CELF2: variants seen among roughly 807,000 people sequenced by gnomAD.
CELF2 encodes the protein CUGBP Elav-like family member 2.
Under a neutral mutation model 62.6 loss-of-function variants are expected in CELF2, and 8 were observed. That is an observed-to-expected ratio of 0.13 (90% CI 0.07 to 0.23). CELF2 has a LOEUF of 0.23. Ranked by LOEUF, CELF2 falls within the 10% of genes least tolerant of loss-of-function variation. CELF2 has a pLI of 1.00. For missense variants in CELF2, 333 were observed against 671.0 expected (o/e 0.50, Z 5.56); for synonymous variants, 258 against 250.0 (o/e 1.03, Z -0.30).
At chr10:10,737,560 C>T in the CELF2 span, among the ~76,000 whole-genome samples, 49 of 152,120 alleles carry the variant, frequency 3.2e-4, no homozygotes, top group East Asian at 7.9e-3. Context: ...AATACATTTG[C>T]GAAGTCATTT....
chr10:10,746,293 A>G, the CELF2 span, among the ~76,000 whole-genome samples: 1 of 152,238 alleles, frequency 6.6e-6, no homozygotes, highest in Non-Finnish European at 1.5e-5. Context: ...ATTGACACAG[A>G]CATTAAAAGT....
chr10:11,069,660 G>A (rs2069197872), intron 1 of CELF2, among the ~76,000 whole-genome samples: 2 of 152,172 alleles, frequency 1.3e-5, no homozygotes, highest in African/African-American at 4.8e-5. Flanking sequence ...TGTGTATACA[G>A]AGGTGGTTAG....
At position 11,285,855 on chromosome 10, in the gene CELF2, GTGTGTGTGTGTGTGTGTGTGTGTT is replaced by G. The variant is rs1246361424; in HGVS notation, c.842-2561_842-2538del. ...TGTGTGTGTGTGTGTGTGTGTGTGT[GTGTGTGTGTGTGTGTGTGTGTGTT>G]TTTACATGGACTTGAAAATGAGTAA... On this transcript the variant is annotated intron_variant, in intron 8 of 12. Coordinates refer to ENST00000633077, the MANE Select transcript of CELF2 (RefSeq NM_001326342.2). The surrounding 1 kb of genome is among the most constrained non-coding windows in gnomAD (Gnocchi z 4.3). 9.1e-5 allele frequency among the ~76,000 whole-genome samples: 13 copies of G among 142,512 alleles called. No homozygotes were observed. The highest frequency in any genetic ancestry group is 3.8e-4 in the African/African-American group (13 of 34,058). 93.5% of individuals were successfully genotyped at this position (142,512 alleles called of 152,430 possible). A position where few individuals can be genotyped will look rare whatever the true frequency, so the allele number is the denominator to read the frequency against.
upstream of CELF2, among the ~76,000 whole-genome samples, chr10:11,001,251 G>A (rs1009223125): frequency 1.3e-5 from 2 of 152,172 alleles, no homozygotes; most frequent in South Asian, 4.1e-4. Flanking sequence ...CAGCTAAATA[G>A]ATTTAATGTC....
chr10:11,273,809 T>C (rs1003990737), intron 7 of CELF2, among the ~76,000 whole-genome samples: 2 of 151,810 alleles, frequency 1.3e-5, no homozygotes, highest in Non-Finnish European at 2.9e-5. Flanking sequence ...GCAGCCTCCA[T>C]CTCCCAGGCT....
chr10:11,067,252 A>G (rs77361318), intron 1 of CELF2, among the ~76,000 whole-genome samples: 1 of 152,366 alleles, frequency 6.6e-6, no homozygotes, highest in East Asian at 1.9e-4. Context: ...CATATTTGGC[A>G]GATTAAAAAC....
chr10:11,079,319 A>C (rs955272022), intron 1 of CELF2, among the ~76,000 whole-genome samples: 1 of 152,208 alleles, frequency 6.6e-6, no homozygotes, highest in Non-Finnish European at 1.5e-5. Flanking sequence ...GTTTTAGCAG[A>C]TACCCAGCTT....
At chr10:11,256,464 G>A (rs1383458741) in intron 4 of CELF2, among the ~76,000 whole-genome samples, 1 of 151,694 alleles carries the variant, frequency 6.6e-6, no homozygotes, top group Non-Finnish European at 1.5e-5. Flanking sequence ...AAATAGGAAT[G>A]ACAAGATGAT....
chr10:10,488,769 A>G, the CELF2 span, among the ~76,000 whole-genome samples: 1 of 152,148 alleles, frequency 6.6e-6, no homozygotes, highest in South Asian at 2.1e-4. Context: ...AATTTGACAT[A>G]GCAAATTAAC....
chr10:11,050,952 C>T (rs2063804538), intron 1 of CELF2, among the ~76,000 whole-genome samples: 1 of 152,150 alleles, frequency 6.6e-6, no homozygotes. Context: ...ATAAAGCTTC[C>T]ACTGTGAGGA....
At chr10:10,964,267 C>T (rs1406701426) in intron 2 of CELF2, among the ~76,000 whole-genome samples, 1 of 152,078 alleles carries the variant, frequency 6.6e-6, no homozygotes, top group Non-Finnish European at 1.5e-5. Context: ...AGGGTGAATT[C>T]GATCATGCTT....
chr10:11,124,168 A>C (rs1337901638), intron 1 of CELF2, among the ~76,000 whole-genome samples: 1 of 152,156 alleles, frequency 6.6e-6, no homozygotes, highest in African/African-American at 2.4e-5. Context: ...TGCCCTTGAC[A>C]CATGGGGATC....
chr10:10,832,465 A>T (rs910894644), intron 1 of CELF2, among the ~76,000 whole-genome samples: 10 of 152,178 alleles, frequency 6.6e-5, no homozygotes, highest in Non-Finnish European at 5.9e-5. Context: ...AATCATTTTT[A>T]AAAGCCAGGA....
intron 1 of CELF2, among the ~76,000 whole-genome samples, chr10:10,915,526 C>T (rs1411260994): frequency 6.6e-6 from 1 of 152,180 alleles, no homozygotes; most frequent in African/African-American, 2.4e-5. Flanking sequence ...CCACCTCAGC[C>T]TCCAAAGTAG....
intron 2 of CELF2, among the ~76,000 whole-genome samples, chr10:10,933,623 T>G (rs1178829314): frequency 6.6e-6 from 1 of 151,608 alleles, no homozygotes; most frequent in Non-Finnish European, 1.5e-5. Context: ...CATCCCCTGG[T>G]AACCACTATT....
chr10:10,471,947 T>C, the CELF2 span, among the ~76,000 whole-genome samples: 2 of 151,830 alleles, frequency 1.3e-5, no homozygotes, highest in Non-Finnish European at 2.9e-5. Flanking sequence ...CTCCATAATT[T>C]CTTAGGAGAG....
chr10:10,513,702 G>A, the CELF2 span, among the ~76,000 whole-genome samples: 146 of 152,142 alleles, frequency 9.6e-4, no homozygotes, highest in African/African-American at 3.2e-3. Flanking sequence ...ATTATACAGC[G>A]TTGACTTTTT....
intron 1 of CELF2, among the ~76,000 whole-genome samples, chr10:10,886,339 A>G (rs1014703678): frequency 6.6e-6 from 1 of 152,224 alleles, no homozygotes; most frequent in Admixed American, 6.5e-5. Flanking sequence ...ATAATATAAT[A>G]TAATATAACA....
chr10:10,771,745 C>T, the CELF2 span, among the ~76,000 whole-genome samples: 1 of 152,166 alleles, frequency 6.6e-6, no homozygotes, highest in Non-Finnish European at 1.5e-5. Flanking sequence ...TGAGGCTTCC[C>T]CAGCCAAGTG....
Sources: gnomAD v4.1 joint callset for allele counts (sites outside exome capture counted in the v4.1 genomes callset) on GRCh38, gnomAD v4.1.1 for gene constraint, Gnocchi (gnomAD v3.1) non-coding constraint, MANE v1.5 for transcripts, NCBI Gene and HGNC (gene_info 2026-07-23, HGNC 2026-07-21) for gene names.